Variants in CDH7 observed in about 807,000 individuals in gnomAD.
CDH7 encodes cadherin-7.
Under a neutral mutation model 71.8 loss-of-function variants are expected in CDH7, and 25 were observed. The ratio of observed to expected loss-of-function variants is 0.35; its 90% CI spans 0.25 to 0.49. The LOEUF (loss-of-function observed/expected upper bound fraction) is 0.49. Ranked by LOEUF, CDH7 falls within the 20% of genes least tolerant of loss-of-function variation. The pLI is 0.99. For missense variants in CDH7, 862 were observed against 974.6 expected, an observed-to-expected ratio of 0.88 and a Z score of 1.54; for synonymous variants, 381 against 363.8, an observed-to-expected ratio of 1.05 and a Z score of -0.54.
chr18:65,764,240 A>G (rs59123596), intron 2 of CDH7, among the ~76,000 whole-genome samples: 1 of 152,050 alleles, frequency 6.6e-6, no homozygotes, highest in East Asian at 1.9e-4. Flanking sequence ...GGTAATTTGT[A>G]TTATATTTAT....
At chr18:65,874,039 A>G (rs1478764194) in intron 11 of CDH7, among the ~76,000 whole-genome samples, 1 of 152,216 alleles carries the variant, frequency 6.6e-6, no homozygotes, top group East Asian at 1.9e-4. Flanking sequence ...TATTGAGCAC[A>G]TACTTACTAT....
At chr18:65,816,501 A>C (rs1331819021) in intron 4 of CDH7, among the ~76,000 whole-genome samples, 1 of 152,172 alleles carries the variant, frequency 6.6e-6, no homozygotes, top group Non-Finnish European at 1.5e-5. Context: ...TTTTTTGGGA[A>C]GAAAGTAAAA....
At chr18:65,871,374 G>A (rs916651086) in intron 11 of CDH7, among the ~76,000 whole-genome samples, 1 of 152,110 alleles carries the variant, frequency 6.6e-6, no homozygotes, top group Non-Finnish European at 1.5e-5. Context: ...TGGAGAGCAG[G>A]TAACTGAGGC....
intron 6 of CDH7, among the ~76,000 whole-genome samples, chr18:65,834,758 T>G (rs1335361368): frequency 6.6e-6 from 1 of 152,166 alleles, no homozygotes; most frequent in Admixed American, 6.5e-5. Context: ...GAAATTCCCA[T>G]GTCGAGATCT....
chr18:65,867,368 A>G (rs894402623), intron 11 of CDH7, among the ~76,000 whole-genome samples: 2 of 152,178 alleles, frequency 1.3e-5, no homozygotes, highest in African/African-American at 4.8e-5. Flanking sequence ...ATTACAACCC[A>G]TAACTAACAT....
At chr18:65,833,319 ATG>A (rs1365389322) in intron 6 of CDH7, among the ~76,000 whole-genome samples, 1 of 152,196 alleles carries the variant, frequency 6.6e-6, no homozygotes, top group Non-Finnish European at 1.5e-5. Context: ...ACAATCAAAT[ATG>A]TATTTCATTT....
At chr18:65,815,993 A>G (rs930569086) in intron 4 of CDH7, among the ~76,000 whole-genome samples, 2 of 152,172 alleles carry the variant, frequency 1.3e-5, no homozygotes, top group Non-Finnish European at 2.9e-5. Context: ...TTTTGCTGCT[A>G]CTAATGATTG....
In CDH7 at chr18:65,887,718, A is replaced by G. The variant is rs1313285279; in HGVS notation, c.*6824A>G. 1 of 152,152 alleles carries G rather than the reference A, an allele frequency of 6.6e-6. No homozygotes were observed. Among genetic ancestry groups the G allele is most frequent in the Non-Finnish European group, 1.5e-5 (1 of 68,028 alleles). The allele number at this position is 152,152 out of a possible 1,614,324, so 9.4% of individuals were successfully genotyped here. On this transcript the variant is annotated 3_prime_UTR_variant, in exon 12 of 12. Coordinates refer to ENST00000397968, the MANE Select transcript of CDH7 (RefSeq NM_004361.5). ...AAATATTTTCTTTTTAGCTTTTAAG[A>G]TGTCTATTAGATCCAACCTCTACAA...
intron 1 of CDH7, among the ~76,000 whole-genome samples, chr18:65,751,810 C>T (rs1915888241): frequency 6.6e-6 from 1 of 152,170 alleles, no homozygotes; most frequent in Non-Finnish European, 1.5e-5. Flanking sequence ...GCATGGTGGA[C>T]TTCTTCATGG....
intron 2 of CDH7, among the ~76,000 whole-genome samples, chr18:65,798,822 A>G (rs1911009636): frequency 6.6e-6 from 1 of 152,150 alleles, no homozygotes; most frequent in Non-Finnish European, 1.5e-5. Flanking sequence ...ATTTTTGGAA[A>G]GGCCTTAGCT....
intron 2 of CDH7, among the ~76,000 whole-genome samples, chr18:65,783,021 G>A (rs1251618102): frequency 6.6e-6 from 1 of 152,200 alleles, no homozygotes; most frequent in African/African-American, 2.4e-5. Flanking sequence ...AGATAGGGGT[G>A]TTGCTTTCTT....
intron 2 of CDH7, among the ~76,000 whole-genome samples, chr18:65,802,632 C>T (rs766883036): frequency 6.6e-5 from 10 of 152,110 alleles, no homozygotes; most frequent in Non-Finnish European, 1.2e-4. Flanking sequence ...CTCTCCTATC[C>T]GGCGAGCCCT....
chr18:65,830,969 T>A (rs1031604549), intron 6 of CDH7, among the ~76,000 whole-genome samples: 1 of 152,026 alleles, frequency 6.6e-6, no homozygotes, highest in Non-Finnish European at 1.5e-5. Flanking sequence ...TACATCTTTT[T>A]AAAAAATTGC....
chr18:65,768,134 C>A (rs147690858), intron 2 of CDH7, among the ~76,000 whole-genome samples: 2,512 of 152,032 alleles, frequency 0.017, 30 homozygotes, highest in Non-Finnish European at 0.027. Flanking sequence ...GCCTTTTTAA[C>A]AATGTTTGTG....
chr18:65,808,001 A>G (rs1190984985), intron 2 of CDH7, among the ~76,000 whole-genome samples: 1 of 152,214 alleles, frequency 6.6e-6, no homozygotes, highest in African/African-American at 2.4e-5. Flanking sequence ...GCTTTAGACC[A>G]GCCTGCCAGC....
chr18:65,886,177 G>C lies in CDH7; in HGVS notation c.*5283G>C, dbSNP rs913814237. ...AATTACTATTGTGTTTCAGAGGCTT[G>C]TGAATGATTAAGTGAAAGACTGTGT... On this transcript the variant is annotated 3_prime_UTR_variant, in exon 12 of 12. Transcript: ENST00000397968. 6.6e-6 allele frequency: 1 copy of C among 152,232 alleles called. No individual in the cohort carries two copies. Among genetic ancestry groups the C allele is most frequent in the African/African-American group, 2.4e-5 (1 of 41,536 alleles). The allele number at this position is 152,232 out of a possible 1,614,324, so 9.4% of individuals were successfully genotyped here. A position where few individuals can be genotyped will look rare whatever the true frequency, so the allele number is the denominator to read the frequency against.
At chr18:65,765,663 T>C (rs986962881) in intron 2 of CDH7, among the ~76,000 whole-genome samples, 3 of 152,098 alleles carry the variant, frequency 2.0e-5, no homozygotes, top group African/African-American at 7.2e-5. Context: ...TTCTTAGTCA[T>C]CCTAACACAA....
rs1340717787 is a variant in CDH7, at chr18:65,751,285, G to GTT, written c.-197+136_-197+137insTT. ...ATGTCCGTGTGGAGTTTCCCTTGGC[G>GTT]TCCCCAAGTTACTGCGTGTTGCAGT... On this transcript the variant is annotated intron_variant, in intron 1 of 11. Transcript: ENST00000397968. 3.9e-5 allele frequency: 6 copies of GTT among 152,710 alleles called. No individual in the cohort carries two copies. In the East Asian group the frequency reaches 1.2e-3, roughly 30 times the overall value. The allele number at this position is 152,710 out of a possible 1,614,324, so 9.5% of individuals were successfully genotyped here. A position where few individuals can be genotyped will look rare whatever the true frequency, so the allele number is the denominator to read the frequency against.
chr18:65,864,415 T>A (rs1913686955), intron 11 of CDH7, among the ~76,000 whole-genome samples: 1 of 151,558 alleles, frequency 6.6e-6, no homozygotes, highest in African/African-American at 2.4e-5. Flanking sequence ...TTGTTTTTTT[T>A]TTTTGCTCAC....
Sources: allele counts gnomAD v4.1 joint callset (sites outside exome capture counted in the v4.1 genomes callset), GRCh38; gene constraint gnomAD v4.1.1; transcripts MANE v1.5; gene names NCBI Gene and HGNC (gene_info 2026-07-23, HGNC 2026-07-21).